The following RBFOX1 variants were observed in gnomAD, a reference collection of about 807,000 sequenced individuals.
The protein encoded by RBFOX1 is RNA binding protein fox-1 homolog 1.
Under a neutral mutation model 57.7 loss-of-function variants are expected in RBFOX1, and 8 were observed. The observed-to-expected ratio is 0.14, with a 90% CI of 0.08 to 0.25. The LOEUF (loss-of-function observed/expected upper bound fraction) is 0.25, where lower values mean the gene tolerates loss of function less well. RBFOX1 is among the 10% of genes least tolerant of loss of function. The probability of loss-of-function intolerance (pLI) is 1.00; values close to 1 mark genes in which losing one functional copy is unlikely to be tolerated. For synonymous variants in RBFOX1, 326 were observed against 222.4 expected (o/e 1.47, Z -4.15); for missense variants, 611 against 548.5 (o/e 1.11, Z -1.14).
chr16:6,062,354 G>C (rs1367305456), intron 1 of RBFOX1, among the ~76,000 whole-genome samples: 1 of 151,848 alleles, frequency 6.6e-6, no homozygotes, highest in African/African-American at 2.4e-5. Flanking sequence ...TAACTAGAAG[G>C]TAGGTCCCCC....
rs574810057 is a variant in RBFOX1, at chr16:6,888,254, C to T, written c.-15-163803C>T. Among the ~76,000 whole-genome samples, 53 of 152,258 alleles carry T rather than the reference C, an allele frequency of 3.5e-4. 1 individual carries two copies. The South Asian group carries it at 6.6e-3, about 19-fold the overall frequency. ...AAAGAAATGAAAAGAAAATGAAGGA[C>T]CACAATGCTTTATGGGTTTGTGTTT... is the stretch of plus-strand genomic sequence containing the variant. On this transcript the variant is annotated intron_variant, in intron 3 of 15. Transcript: ENST00000550418.
chr16:5,784,820 C>T (rs75091967), intron 3 of RBFOX1, among the ~76,000 whole-genome samples: 1 of 152,078 alleles, frequency 6.6e-6, no homozygotes, highest in East Asian at 1.9e-4. Flanking sequence ...GCATAGACAC[C>T]ATCTATGAAC....
At chr16:7,565,775 T>A (rs140785817) in intron 5 of RBFOX1, among the ~76,000 whole-genome samples, 3 of 152,178 alleles carry the variant, frequency 2.0e-5, no homozygotes, top group Non-Finnish European at 4.4e-5. Context: ...CAAAGTACAC[T>A]TTTTATTTAT....
chr16:6,617,679 C>G (rs1297456625), intron 2 of RBFOX1, among the ~76,000 whole-genome samples: 2 of 152,038 alleles, frequency 1.3e-5, no homozygotes, highest in African/African-American at 4.8e-5. Context: ...TCTCAGGGAG[C>G]CTGCAGTCTT....
At chr16:7,540,100 C>T (rs894677172) in intron 5 of RBFOX1, among the ~76,000 whole-genome samples, 9 of 152,268 alleles carry the variant, frequency 5.9e-5, no homozygotes, top group South Asian at 2.1e-4. Context: ...AAGACATGTG[C>T]CTCATTGGTG....
chr16:6,971,421 T>C (rs2085511940), intron 3 of RBFOX1, among the ~76,000 whole-genome samples: 1 of 151,378 alleles, frequency 6.6e-6, no homozygotes, highest in Non-Finnish European at 1.5e-5. Flanking sequence ...GGAAGGGTGG[T>C]GTAAGATGGG....
At position 5,971,997 on chromosome 16, in the gene RBFOX1, C is replaced by A. The variant is rs751240395; in HGVS notation, c.351+104662C>A. 5.9e-5 allele frequency among the ~76,000 whole-genome samples: 9 copies of A among 152,320 alleles called. No individual in the cohort carries two copies. In the East Asian group the frequency reaches 1.7e-3, roughly 29 times the overall value. On this transcript the variant is annotated intron_variant, in intron 4 of 19. Coordinates refer to the RBFOX1 transcript ENST00000641259. ...TTCCTCTTGCCTGCCTGACTTCAAA[C>A]TGGGACGTGTGCTTCTTCCTGCCTT...
At chr16:5,303,676 A>G (rs1169482265) in intron 1 of RBFOX1, among the ~76,000 whole-genome samples, 1 of 151,438 alleles carries the variant, frequency 6.6e-6, no homozygotes, top group Non-Finnish European at 1.5e-5. Flanking sequence ...ACCAGGCCTT[A>G]TAGGTGTTGA....
intron 3 of RBFOX1, among the ~76,000 whole-genome samples, chr16:5,852,317 G>A (rs1323692103): frequency 6.6e-6 from 1 of 152,152 alleles, no homozygotes; most frequent in Non-Finnish European, 1.5e-5. Context: ...AGTGAGGATT[G>A]CAGGCGTGCT....
chr16:6,164,373 C>A (rs1193390216), intron 1 of RBFOX1, among the ~76,000 whole-genome samples: 1 of 151,836 alleles, frequency 6.6e-6, no homozygotes, highest in Non-Finnish European at 1.5e-5. Context: ...CTTTGCATAC[C>A]TATTTGTATC....
upstream of RBFOX1, among the ~76,000 whole-genome samples, chr16:6,015,682 C>T (rs932976215): frequency 9.9e-5 from 15 of 152,180 alleles, no homozygotes; most frequent in African/African-American, 3.4e-4. Flanking sequence ...CTGTATTCTC[C>T]TTCGGGAATA....
rs1416737902 is a variant in RBFOX1, at chr16:6,887,742, A to G, written c.-15-164315A>G. On this transcript the variant is annotated intron_variant, in intron 3 of 15. Transcript: ENST00000550418. ...CCCTGGTGCAATCTTGGCTTACTGC[A>G]ACCTCTGCCTCCCAGGTTCAAGTGA... Among the ~76,000 whole-genome samples, 6 of 151,640 alleles carry G rather than the reference A, an allele frequency of 4.0e-5. No homozygotes were observed. In the East Asian group the frequency reaches 7.8e-4, roughly 20 times the overall value.
chr16:5,568,164 C>T (rs117522473), intron 2 of RBFOX1, among the ~76,000 whole-genome samples: 2 of 152,202 alleles, frequency 1.3e-5, no homozygotes, highest in Non-Finnish European at 2.9e-5. Context: ...ATGTCTCCAG[C>T]CTTCCCCTGT....
chr16:5,726,105 C>T (rs1374574683), intron 3 of RBFOX1, among the ~76,000 whole-genome samples: 1 of 151,482 alleles, frequency 6.6e-6, no homozygotes, highest in African/African-American at 2.4e-5. Flanking sequence ...AAAGCTTTTT[C>T]TTTGGGTAGA....
chr16:6,510,885 C>T (rs1047530453), intron 2 of RBFOX1, among the ~76,000 whole-genome samples: 1 of 152,012 alleles, frequency 6.6e-6, no homozygotes, highest in African/African-American at 2.4e-5. Flanking sequence ...AAGGTATGCC[C>T]TCTTTAATAC....
chr16:7,478,840 C>G (rs961631073), intron 4 of RBFOX1, among the ~76,000 whole-genome samples: 2 of 152,136 alleles, frequency 1.3e-5, no homozygotes, highest in Non-Finnish European at 2.9e-5. Context: ...TAGAAAACCT[C>G]CTTTGCTTGA....
intron 13 of RBFOX1, among the ~76,000 whole-genome samples, chr16:7,668,304 C>T (rs1007919571): frequency 2.0e-5 from 3 of 152,180 alleles, no homozygotes; most frequent in Admixed American, 6.5e-5. Flanking sequence ...CAAGCCACAA[C>T]CTCTTCTCTC....
chr16:5,664,022 C>G (rs908036370), intron 3 of RBFOX1, among the ~76,000 whole-genome samples: 1 of 152,184 alleles, frequency 6.6e-6, no homozygotes, highest in African/African-American at 2.4e-5. Flanking sequence ...GGGGACCCCA[C>G]ACATGGAGGA....
intron 2 of RBFOX1, among the ~76,000 whole-genome samples, chr16:6,614,083 T>C (rs781594016): frequency 2.0e-5 from 3 of 152,254 alleles, no homozygotes; most frequent in Non-Finnish European, 2.9e-5. Context: ...CTTTATTGTT[T>C]GTAGATTTTA....
Sources: allele counts gnomAD v4.1 joint callset (sites outside exome capture counted in the v4.1 genomes callset), GRCh38; gene constraint gnomAD v4.1.1; transcripts MANE v1.5; gene names NCBI Gene and HGNC (gene_info 2026-07-23, HGNC 2026-07-21).